ZNF490: variants seen among roughly 807,000 people sequenced by gnomAD.
ZNF490 encodes zinc finger protein 490.
Under a neutral mutation model 17.7 loss-of-function variants are expected in ZNF490, and 11 were observed. The observed-to-expected ratio is 0.62, with a 90% CI of 0.39 to 1.03. The LOEUF (loss-of-function observed/expected upper bound fraction) is 1.03. ZNF490 is among the 50% of genes least tolerant of loss of function. The probability of loss-of-function intolerance (pLI) is 0.00; values close to 1 mark genes in which losing one functional copy is unlikely to be tolerated. For missense variants in ZNF490, 542 were observed against 643.4 expected, an observed-to-expected ratio of 0.84 and a Z score of 1.71; for synonymous variants, 222 against 216.1, an observed-to-expected ratio of 1.03 and a Z score of -0.24.
chr19:12,610,232 T>C (rs2023129947), intron 1 of ZNF490, among the ~76,000 whole-genome samples: 1 of 150,522 alleles, frequency 6.6e-6, no homozygotes, highest in South Asian at 2.1e-4. Flanking sequence ...TGGGATGGGT[T>C]CTGGCCATGT....
rs1285437903 is a variant in ZNF490, at chr19:12,587,051, T to A, written c.163-3495A>T. On this transcript the variant is annotated intron_variant, in intron 2 of 4. Transcript: ENST00000311437. ...GGCTCTCCAGCCTGGGCAACAGGAA[T>A]AAAACTCCATCTCAAAAAAAAAAAA... Among the ~76,000 whole-genome samples, 62 of 59,934 alleles carry A rather than the reference T, an allele frequency of 1.0e-3. 22 individuals are homozygous for A. The highest frequency in any genetic ancestry group is 5.6e-4 in the Non-Finnish European group (13 of 23,166). The allele number at this position is 59,934 out of a possible 152,430, so 39.3% of individuals were successfully genotyped here. A position where few individuals can be genotyped will look rare whatever the true frequency, so the allele number is the denominator to read the frequency against.
At chr19:12,602,147 G>A (rs562201801) in intron 2 of ZNF490, among the ~76,000 whole-genome samples, 20 of 136,802 alleles carry the variant, frequency 1.5e-4, no homozygotes, top group Middle Eastern at 4.2e-3. Context: ...CCTATTTCTG[G>A]AATTTCAATT....
In ZNF490 at chr19:12,577,025, T is replaced by C. The variant is rs1364131363; in HGVS notation, c.*3460A>G. Among the ~76,000 whole-genome samples, 1 of 152,052 alleles carries C rather than the reference T, an allele frequency of 6.6e-6. No homozygotes were observed. Among genetic ancestry groups the C allele is most frequent in the Non-Finnish European group, 1.5e-5 (1 of 68,008 alleles). ...AATAGAAGGACCCCAGGTGTTCTGA[T>C]CTCTTCTCCAGGTTTCTCTGGCTCC... On this transcript the variant is annotated 3_prime_UTR_variant, in exon 5 of 5. Transcript: ENST00000311437.
At position 12,578,246 on chromosome 19, in the gene ZNF490, G is replaced by T; in HGVS notation, c.*2239C>A. ...CAGGGTAGAATGTGCCAGAAAACAG[G>T]GAAAGCAAGTTAGGGGAGGTAAGAA... On this transcript the variant is annotated 3_prime_UTR_variant, in exon 5 of 5. Transcript: ENST00000311437. 5.1e-6 allele frequency: 5 copies of T among 985,572 alleles called. No individual in the cohort carries two copies. Among genetic ancestry groups the T allele is most frequent in the Non-Finnish European group, 6.0e-6 (5 of 830,052 alleles). 61.1% of individuals were successfully genotyped at this position (985,572 alleles called of 1,614,324 possible). A position where few individuals can be genotyped will look rare whatever the true frequency, so the allele number is the denominator to read the frequency against.
At chr19:12,596,313 C>T (rs926826672) in intron 2 of ZNF490, among the ~76,000 whole-genome samples, 10 of 141,578 alleles carry the variant, frequency 7.1e-5, no homozygotes, top group African/African-American at 1.3e-4. Context: ...GGGAAAGAAA[C>T]GCAAATGTTT....
At chr19:12,583,807 A>ATTTTTT (rs1568278640) in intron 2 of ZNF490, among the ~76,000 whole-genome samples, 1 of 112,410 alleles carries the variant, frequency 8.9e-6, no homozygotes, top group African/African-American at 3.7e-5. Flanking sequence ...ATATATATAT[A>ATTTTTT]TATATTTTTT....
At chr19:12,604,453 C>T (rs1020154599) in intron 2 of ZNF490, among the ~76,000 whole-genome samples, 2 of 152,046 alleles carry the variant, frequency 1.3e-5, no homozygotes, top group African/African-American at 4.8e-5. Context: ...AGTTCGAGAC[C>T]AGCCTGGCCA....
At position 12,610,630 on chromosome 19, in the gene ZNF490, C is replaced by T. The variant is rs912906500; in HGVS notation, c.51G>A (p.Glu17=). 1.3e-5 allele frequency: 21 copies of T among 1,613,930 alleles called. 1 individual carries two copies. The highest frequency in any genetic ancestry group is 4.4e-5 in the South Asian group (4 of 91,082). The change falls in exon 1 of 5, where the codon GAG becomes GAA. Residue 17 remains glutamate, a synonymous_variant. Transcript: ENST00000311437. Reference sequence around the variant, plus strand: ...TAGACGACCACTTGCTCTGGACTTGCTCCTCGAGGGGTCGCTCCATCTGGA... The same window carrying T: ...TAGACGACCACTTGCTCTGGACTTGTTCCTCGAGGGGTCGCTCCATCTGGA... ...LSFQMERPLE[E]QVQSKWSSSQ... is the part of the protein sequence containing the mutation.
At chr19:12,595,073 T>TA (rs1166533530) in intron 2 of ZNF490, among the ~76,000 whole-genome samples, 2 of 152,210 alleles carry the variant, frequency 1.3e-5, no homozygotes, top group East Asian at 3.9e-4. Flanking sequence ...ATATATGATT[T>TA]AAAAAATAAT....
At chr19:12,581,756 T>C in intron 4 of ZNF490, 32 bp from the exon 5 acceptor site, 2 of 1,505,196 alleles carry the variant, frequency 1.3e-6, no homozygotes, top group Non-Finnish European at 1.8e-6. Flanking sequence ...TTATTAATAG[T>C]TTTGTATTAA....
chr19:12,578,495 A>C lies in ZNF490; in HGVS notation c.*1990T>G. 1.0e-6 allele frequency: 1 copy of C among 985,446 alleles called. No homozygotes were observed. Among genetic ancestry groups the C allele is most frequent in the Non-Finnish European group, 1.2e-6 (1 of 829,938 alleles). 61.0% of individuals were successfully genotyped at this position (985,446 alleles called of 1,614,324 possible). A position where few individuals can be genotyped will look rare whatever the true frequency, so the allele number is the denominator to read the frequency against. ...CAGAGAAATTCAGATGTGAATGTTT[A>C]AACAAGTGTCCAAAGTGTAGGTTTG... On this transcript the variant is annotated 3_prime_UTR_variant, in exon 5 of 5. Coordinates refer to ENST00000311437, the MANE Select transcript of ZNF490 (RefSeq NM_020714.3).
intron 2 of ZNF490, among the ~76,000 whole-genome samples, chr19:12,591,876 T>C (rs991277237): frequency 4.0e-5 from 6 of 151,342 alleles, no homozygotes; most frequent in African/African-American, 1.5e-4. Flanking sequence ...CTAGCCATCA[T>C]GCTCCTAGGT....
In ZNF490 at chr19:12,578,879, T is replaced by C; in HGVS notation, c.*1606A>G. On this transcript the variant is annotated 3_prime_UTR_variant, in exon 5 of 5. Transcript: ENST00000311437. ...TTCCTACGAAGAATCTCGACAATGGTTGCAGATGTCATTGAAGATGTTCCC... is the reference window on the plus strand; with the variant it reads ...TTCCTACGAAGAATCTCGACAATGGCTGCAGATGTCATTGAAGATGTTCCC... 4.1e-6 allele frequency: 4 copies of C among 985,414 alleles called. No homozygotes were observed. The highest frequency in any genetic ancestry group is 4.8e-6 in the Non-Finnish European group (4 of 829,922). 61.0% of individuals were successfully genotyped at this position (985,414 alleles called of 1,614,324 possible). A position where few individuals can be genotyped will look rare whatever the true frequency, so the allele number is the denominator to read the frequency against.
At chr19:12,598,319 A>G (rs535640963) in intron 2 of ZNF490, among the ~76,000 whole-genome samples, 6 of 152,058 alleles carry the variant, frequency 3.9e-5, no homozygotes, top group African/African-American at 1.2e-4. Context: ...TGTCTTTGGG[A>G]AAAAAAATTG....
chr19:12,589,509 C>T (rs1024959825), intron 2 of ZNF490, among the ~76,000 whole-genome samples: 3 of 149,264 alleles, frequency 2.0e-5, no homozygotes, highest in African/African-American at 7.4e-5. Flanking sequence ...AAGCACTTGA[C>T]AAAATTGAAC....
chr19:12,588,599 G>GCACCATCA (rs1269940160), intron 2 of ZNF490, among the ~76,000 whole-genome samples: 1 of 152,098 alleles, frequency 6.6e-6, no homozygotes, highest in Non-Finnish European at 1.5e-5. Context: ...TAATTAAATT[G>GCACCATCA]AACAGCACCA....
chr19:12,580,524 CAA>C lies in ZNF490; in HGVS notation c.1549_1550del (p.Leu517AlafsTer8), dbSNP rs774426348. The C allele has an allele frequency of 6.2e-7, 1 of 1,610,920 alleles. No individual in the cohort carries two copies. The highest frequency in any genetic ancestry group is 8.5e-7 in the Non-Finnish European group (1 of 1,178,384). On this transcript the variant is annotated frameshift_variant, in exon 5 of 5. Transcript: ENST00000311437. LOFTEE classifies it low-confidence loss of function (END_TRUNC). ...TACTATGAGTCCTTTCGTGCACGTG[CAA>C]AGACTTTGAGTAACTGAAGGCTTTA... ...CGKAFSYSKS[L>X]HVHERTHSRQ...
intron 2 of ZNF490, among the ~76,000 whole-genome samples, chr19:12,602,678 A>G (rs555958530): frequency 5.3e-5 from 8 of 150,560 alleles, no homozygotes; most frequent in East Asian, 3.9e-4. Flanking sequence ...AGGCTAGAGT[A>G]CAGTGGTGTG....
chr19:12,598,716 C>G (rs13346146), intron 2 of ZNF490, among the ~76,000 whole-genome samples: 2 of 150,110 alleles, frequency 1.3e-5, no homozygotes, highest in African/African-American at 4.9e-5. Flanking sequence ...CTGCCGGGCG[C>G]GGTGGCTCAT....
Sources: gnomAD v4.1 joint callset for allele counts (sites outside exome capture counted in the v4.1 genomes callset) on GRCh38, gnomAD v4.1.1 for gene constraint, MANE v1.5 for transcripts, NCBI Gene and HGNC (gene_info 2026-07-23, HGNC 2026-07-21) for gene names.